Variants in KANK1 observed in about 807,000 individuals in gnomAD.
KANK1 encodes KN motif and ankyrin repeat domain-containing protein 1.
Under a neutral mutation model 106.2 loss-of-function variants are expected in KANK1, and 109 were observed. The observed-to-expected ratio is 1.03, with a 90% CI of 0.88 to 1.20. The LOEUF (loss-of-function observed/expected upper bound fraction) is 1.20, where lower values mean the gene tolerates loss of function less well. Ranked by LOEUF, KANK1 falls within the 50% of genes most tolerant of loss-of-function variation. KANK1 has a pLI of 0.00. For synonymous variants in KANK1, 873 were observed against 652.2 expected (o/e 1.34, Z -5.16); for missense variants, 2,399 against 1,710.7 (o/e 1.40, Z -7.10).
chr9:518,791 G>A (rs1439049060), intron 1 of KANK1, among the ~76,000 whole-genome samples: 2 of 151,678 alleles, frequency 1.3e-5, no homozygotes, highest in Non-Finnish European at 2.9e-5. Context: ...TGGAACTCTG[G>A]CAGGAAGTAA....
intron 1 of KANK1, among the ~76,000 whole-genome samples, chr9:669,552 ACT>A (rs1281797813): frequency 6.6e-6 from 1 of 152,064 alleles, no homozygotes; most frequent in Non-Finnish European, 1.5e-5. Flanking sequence ...ATATCATTCC[ACT>A]TCCTCCTGAC....
intron 1 of KANK1, among the ~76,000 whole-genome samples, chr9:650,828 C>T (rs1840725882): frequency 6.6e-6 from 1 of 152,056 alleles, no homozygotes; most frequent in African/African-American, 2.4e-5. Flanking sequence ...TTTGTAATTC[C>T]AGTAACGGCT....
chr9:738,553 G>A, intron 8 of KANK1, 49 bp downstream of exon 8: 2 of 1,454,054 alleles, frequency 1.4e-6, no homozygotes, highest in East Asian at 2.3e-5. Flanking sequence ...TACTTGGGTT[G>A]TGACTCATCT....
At chr9:488,740 TTAC>T (rs2058333065) in intron 3 of KANK1, among the ~76,000 whole-genome samples, 1 of 152,226 alleles carries the variant, frequency 6.6e-6, no homozygotes, top group Admixed American at 6.5e-5. Context: ...GGATTCACTC[TTAC>T]TGCTGCCTGT....
chr9:607,178 C>G (rs10975385), intron 1 of KANK1, among the ~76,000 whole-genome samples: 40,038 of 151,474 alleles, frequency 0.26, 5,700 homozygotes, highest in Admixed American at 0.35. Context: ...TTTGGCATAT[C>G]AAAATCCACT....
chr9:654,580 A>G (rs111674000), intron 1 of KANK1, among the ~76,000 whole-genome samples: 1,153 of 113,360 alleles, frequency 0.01, 26 homozygotes, highest in African/African-American at 0.064. Flanking sequence ...TTACCACTCA[A>G]TCGTTTCTCA....
intron 1 of KANK1, among the ~76,000 whole-genome samples, chr9:592,154 A>G (rs1825068959): frequency 6.6e-6 from 1 of 151,778 alleles, no homozygotes; most frequent in African/African-American, 2.4e-5. Context: ...GAGGTTTTGC[A>G]AAAGCTTCAA....
chr9:648,194 G>C (rs976413274), intron 1 of KANK1, among the ~76,000 whole-genome samples: 1 of 143,150 alleles, frequency 7.0e-6, no homozygotes, highest in Non-Finnish European at 1.5e-5. Context: ...AGTAGAGACG[G>C]GGTGTCATCA....
chr9:708,635 T>C (rs1825002186), intron 2 of KANK1, among the ~76,000 whole-genome samples: 1 of 152,134 alleles, frequency 6.6e-6, no homozygotes, highest in African/African-American at 2.4e-5. Flanking sequence ...GAAGCAGAAG[T>C]GTTCTTCACA....
At position 713,388 on chromosome 9, in the gene KANK1, C is replaced by G. The variant is rs1826756288; in HGVS notation, c.2622C>G (p.Asn874Lys). ...TCATCAGCACCCTGTCGTCTATCAA[C>G]TCTGTCATGAAATCTGCAAGCACTG... Reference protein sequence around the residue: ...SQLISTLSSINSVMKSASTEE... With the variant: ...SQLISTLSSIKSVMKSASTEE... Residue 874 changes from asparagine (N) to lysine (K), a missense_variant, in exon 3 of 12, where the codon AAC (asparagine) becomes AAG (lysine). Transcript: ENST00000382297. The G allele has an allele frequency of 1.2e-6, 2 of 1,613,754 alleles. No homozygotes were observed. Among genetic ancestry groups the G allele is most frequent in the Admixed American group, 3.3e-5 (2 of 59,948 alleles).
intron 8 of KANK1, among the ~76,000 whole-genome samples, chr9:738,908 G>T (rs150474888): frequency 3.2e-4 from 48 of 152,326 alleles, no homozygotes; most frequent in African/African-American, 8.7e-4. Flanking sequence ...TGGACCACTT[G>T]ATTTGACCTT....
intron 3 of KANK1, among the ~76,000 whole-genome samples, chr9:486,631 CT>C (rs1252822965): frequency 2.0e-5 from 3 of 152,112 alleles, no homozygotes; most frequent in African/African-American, 7.2e-5. Context: ...ACTGTACTGC[CT>C]TTTATAAATA....
chr9:605,362 T>G lies in KANK1; in HGVS notation c.-83-71528T>G, dbSNP rs1053494192. ...AGGAAAGATAATCACTCTCAGATAG[T>G]AAAGCATTTGCTTAGCCATATGTTA... On this transcript the variant is annotated intron_variant, in intron 1 of 11. Coordinates refer to ENST00000382297, the MANE Select transcript of KANK1 (RefSeq NM_015158.5). 1.5e-4 allele frequency among the ~76,000 whole-genome samples: 22 copies of G among 150,562 alleles called. 1 individual carries two copies. The highest frequency in any genetic ancestry group is 5.4e-4 in the African/African-American group (22 of 40,538).
At chr9:488,469 A>T (rs1377345447) in intron 3 of KANK1, among the ~76,000 whole-genome samples, 1 of 152,216 alleles carries the variant, frequency 6.6e-6, no homozygotes, top group Non-Finnish European at 1.5e-5. Flanking sequence ...AGATTGTCTT[A>T]TTCTAACTTG....
At chr9:642,797 A>G (rs532570497) in intron 1 of KANK1, among the ~76,000 whole-genome samples, 6 of 149,288 alleles carry the variant, frequency 4.0e-5, no homozygotes, top group East Asian at 1.9e-4. Flanking sequence ...AGCTGCTTCT[A>G]TAGATGGAAG....
chr9:541,113 G>C (rs1430667250), intron 1 of KANK1, among the ~76,000 whole-genome samples: 1 of 150,062 alleles, frequency 6.7e-6, no homozygotes, highest in Admixed American at 6.7e-5. Context: ...GTTTTGGTTT[G>C]TTGAAAAACG....
rs1012321838 is a variant in KANK1 at position 738,123 on chromosome 9, A to C, written c.3334-162A>C. 2.6e-5 allele frequency among the ~76,000 whole-genome samples: 4 copies of C among 152,278 alleles called. No homozygotes were observed. The South Asian group carries it at 8.3e-4, about 32-fold the overall frequency. ...CATTTAAAATCAGGAGAAATGTCCC[A>C]GTTTGGTGTTTGAAGCTTCTCTTAG... On this transcript the variant is annotated intron_variant, in intron 7 of 11. Transcript: ENST00000382297.
chr9:526,674 C>T (rs2059806810), intron 1 of KANK1, among the ~76,000 whole-genome samples: 1 of 151,842 alleles, frequency 6.6e-6, no homozygotes, highest in Middle Eastern at 3.2e-3. Flanking sequence ...TAGCTTTCTG[C>T]CCTGCTTTTC....
chr9:480,589 T>C (rs1282870857), intron 3 of KANK1, among the ~76,000 whole-genome samples: 1 of 152,276 alleles, frequency 6.6e-6, no homozygotes, highest in Non-Finnish European at 1.5e-5. Context: ...AAGGATTTAA[T>C]GCAGTTAGTA....
Sources: gnomAD v4.1 joint callset for allele counts (sites outside exome capture counted in the v4.1 genomes callset) on GRCh38, gnomAD v4.1.1 for gene constraint, MANE v1.5 for transcripts, NCBI Gene and HGNC (gene_info 2026-07-23, HGNC 2026-07-21) for gene names.